The following SLC25A17 variants were observed in gnomAD, a reference collection of about 807,000 sequenced individuals.
SLC25A17 encodes the protein peroxisomal membrane protein PMP34.
Under a neutral mutation model 38.5 loss-of-function variants are expected in SLC25A17, and 26 were observed. The observed-to-expected ratio is 0.68, with a 90% CI of 0.50 to 0.94. The LOEUF (loss-of-function observed/expected upper bound fraction) is 0.94. Among genes scored for constraint, SLC25A17 ranks in the 40% least tolerant of loss-of-function variants. SLC25A17 has a pLI of 0.00. For missense variants in SLC25A17, 333 were observed against 372.7 expected, an observed-to-expected ratio of 0.89 and a Z score of 0.88; for synonymous variants, 139 against 136.2, an observed-to-expected ratio of 1.02 and a Z score of -0.14.
chr22:40,779,102 T>C lies in SLC25A17; in HGVS notation c.358A>G (p.Thr120Ala), dbSNP rs1169272691. The change falls in exon 5 of 9, where the codon ACT becomes GCT. Residue 120 changes from threonine to alanine, a missense_variant. Physicochemically the swap from Thr to Ala is moderately conservative, Grantham distance 58. Coordinates refer to ENST00000435456, the MANE Select transcript of SLC25A17 (RefSeq NM_006358.4). ...CTGGTGTTTACCACCCAGAGTGGAGTTGTTAGCAACACATTAACCACTCCT... is the reference window on the plus strand; with the variant it reads ...CTGGTGTTTACCACCCAGAGTGGAGCTGTTAGCAACACATTAACCACTCCT... Reference protein sequence around the residue: ...VAGVVNVLLTTPLWVVNTRLK... With the variant: ...VAGVVNVLLTAPLWVVNTRLK... 6.2e-7 allele frequency: 1 copy of C among 1,614,020 alleles called. No homozygotes were observed. The highest frequency in any genetic ancestry group is 1.1e-5 in the South Asian group (1 of 91,078).
chr22:40,786,947 C>T (rs940776981), intron 4 of SLC25A17, among the ~76,000 whole-genome samples: 1 of 152,190 alleles, frequency 6.6e-6, no homozygotes, highest in African/African-American at 2.4e-5. Flanking sequence ...AGGCAGTGTG[C>T]TAAGACACTG....
intron 1 of SLC25A17, chr22:40,813,907 T>C (rs1211002384): frequency 6.6e-6 from 1 of 152,510 alleles, no homozygotes; most frequent in Admixed American, 6.5e-5. Flanking sequence ...AAAAGAGCAA[T>C]TGCTATTTAG....
chr22:40,819,125 C>T, intron 1 of SLC25A17, 70 bp downstream of exon 1: 12 of 1,526,700 alleles, frequency 7.9e-6, no homozygotes, highest in Non-Finnish European at 9.9e-6. Flanking sequence ...ATCCCTCAGG[C>T]ATATCCCGGG....
chr22:40,815,831 A>G (rs879405842), intron 1 of SLC25A17, among the ~76,000 whole-genome samples: 21 of 152,368 alleles, frequency 1.4e-4, no homozygotes, highest in Admixed American at 9.1e-4. Context: ...AAGTTATACA[A>G]TACTATGTAT....
chr22:40,786,117 C>G (rs1049159045), intron 4 of SLC25A17, among the ~76,000 whole-genome samples: 6 of 152,128 alleles, frequency 3.9e-5, no homozygotes, highest in African/African-American at 1.4e-4. Context: ...TTGAGACCAG[C>G]CTGGCCAACG....
At chr22:40,797,098 C>T (rs903001444) in intron 2 of SLC25A17, among the ~76,000 whole-genome samples, 1 of 152,132 alleles carries the variant, frequency 6.6e-6, no homozygotes, top group African/African-American at 2.4e-5. Context: ...AAACATGCTA[C>T]CTGCAGTGAA....
intron 2 of SLC25A17, 65 bp downstream of exon 2, chr22:40,798,958 A>AT: frequency 6.2e-6 from 7 of 1,133,666 alleles, no homozygotes; most frequent in Non-Finnish European, 7.7e-6. Flanking sequence ...AAAAAAAAAA[A>AT]GAAATTACTA....
At chr22:40,809,783 G>C (rs926014132) in intron 1 of SLC25A17, among the ~76,000 whole-genome samples, 11 of 152,096 alleles carry the variant, frequency 7.2e-5, no homozygotes, top group Admixed American at 5.9e-4. Context: ...AGTATAGTTT[G>C]AACAGAGGCC....
rs1008637322 is a variant in SLC25A17 at position 40,789,335 on chromosome 22, C to G, written c.334+3190G>C. On this transcript the variant is annotated intron_variant, in intron 4 of 8. Coordinates refer to ENST00000435456, the MANE Select transcript of SLC25A17 (RefSeq NM_006358.4). The surrounding 1 kb of genome is among the most constrained non-coding windows in gnomAD (Gnocchi z 4.5). ...CGCGGTGCCCGGACCCCGGACCAGC[C>G]ACGGGGTGGGAAGGGGCGTGAGCTC... The G allele has an allele frequency of 1.3e-5, 2 of 152,908 alleles. No homozygotes were observed. Among genetic ancestry groups the G allele is most frequent in the African/African-American group, 4.8e-5 (2 of 41,450 alleles). The allele number at this position is 152,908 out of a possible 1,614,324, so 9.5% of individuals were successfully genotyped here.
chr22:40,787,954 C>G (rs1044816168), intron 4 of SLC25A17, among the ~76,000 whole-genome samples: 1 of 152,162 alleles, frequency 6.6e-6, no homozygotes, highest in African/African-American at 2.4e-5. Context: ...TGGGGTCTCG[C>G]TATGTTGCCG....
chr22:40,819,076 A>T, intron 1 of SLC25A17, 119 bp downstream of exon 1: 1 of 1,085,384 alleles, frequency 9.2e-7, no homozygotes. Flanking sequence ...CACAGTCATG[A>T]CAGTGGACCC....
At chr22:40,795,133 T>G (rs1358784724) in intron 2 of SLC25A17, among the ~76,000 whole-genome samples, 1 of 152,164 alleles carries the variant, frequency 6.6e-6, no homozygotes, top group East Asian at 1.9e-4. Context: ...TTACCTCACC[T>G]TTGAGCTCCC....
chr22:40,816,890 C>T (rs566151806), intron 1 of SLC25A17, among the ~76,000 whole-genome samples: 4 of 152,308 alleles, frequency 2.6e-5, no homozygotes, highest in Admixed American at 1.3e-4. Context: ...GGATTACAGG[C>T]GTGAGCCACC....
chr22:40,793,439 T>G (rs1485130242), intron 3 of SLC25A17, among the ~76,000 whole-genome samples: 1 of 152,108 alleles, frequency 6.6e-6, no homozygotes, highest in Non-Finnish European at 1.5e-5. Flanking sequence ...AGTGGCTAAA[T>G]CAAATTTAAG....
rs1248131488 is a variant in SLC25A17, at chr22:40,792,696, A to G, written c.183-20T>C. 2 of 1,613,296 alleles carry G rather than the reference A, an allele frequency of 1.2e-6. No individual in the cohort carries two copies. Among genetic ancestry groups the G allele is most frequent in the South Asian group, 2.2e-5 (2 of 91,026 alleles). Reference sequence around the variant, plus strand: ...GCCAGGCTAGGGGAAAAACACAATAAGCAAAGTAAAGGTCATGGACAAATT... The same window carrying G: ...GCCAGGCTAGGGGAAAAACACAATAGGCAAAGTAAAGGTCATGGACAAATT... On this transcript the variant is annotated intron_variant, in intron 3 of 8. Transcript: ENST00000435456.
chr22:40,807,387 T>C (rs1362966780), intron 1 of SLC25A17, among the ~76,000 whole-genome samples: 2 of 152,170 alleles, frequency 1.3e-5, no homozygotes. Flanking sequence ...TATTTGAACA[T>C]AGGCAGCCTG....
intron 4 of SLC25A17, 182 bp from the exon 5 acceptor site, chr22:40,779,307 G>A (rs921209512): frequency 4.2e-6 from 6 of 1,443,088 alleles, no homozygotes; most frequent in Non-Finnish European, 4.5e-6. Context: ...GAAGCGATTT[G>A]GAAGCTTTGC....
Position 40,797,767 on chromosome 22 carries a change from T to C in SLC25A17, c.115+1256A>G, listed in dbSNP as rs117147580. On this transcript the variant is annotated intron_variant, in intron 2 of 8. Coordinates refer to ENST00000435456, the MANE Select transcript of SLC25A17 (RefSeq NM_006358.4). ...TGGATCTCTATAGTATCAGAAATCA[T>C]TGATTAATTCAGAAATCACTAGACT... Among the ~76,000 whole-genome samples the C allele has an allele frequency of 8.5e-3, 1,288 of 152,342 alleles. 13 individuals carry two copies. The highest frequency in any genetic ancestry group is 0.014 in the Middle Eastern group (4 of 294).
intron 8 of SLC25A17, among the ~76,000 whole-genome samples, chr22:40,772,015 A>G (rs2057188401): frequency 1.3e-5 from 2 of 150,254 alleles, no homozygotes; most frequent in Admixed American, 1.3e-4. Flanking sequence ...AAATTAAAAA[A>G]TTAAAAAAAA....
Sources: gnomAD v4.1 joint callset for allele counts (sites outside exome capture counted in the v4.1 genomes callset) on GRCh38, gnomAD v4.1.1 for gene constraint, Gnocchi (gnomAD v3.1) non-coding constraint, MANE v1.5 for transcripts, NCBI Gene and HGNC (gene_info 2026-07-23, HGNC 2026-07-21) for gene names.